Variants in RUNDC3B observed in about 807,000 individuals in gnomAD.
The protein encoded by RUNDC3B is RUN domain-containing protein 3B.
In RUNDC3B, 33 loss-of-function variants were observed where a neutral mutation model predicts 58.4. The observed-to-expected ratio is 0.56, with a 90% CI of 0.43 to 0.75. The LOEUF (loss-of-function observed/expected upper bound fraction) is 0.75, where lower values mean the gene tolerates loss of function less well. Among genes scored for constraint, RUNDC3B ranks in the 30% least tolerant of loss-of-function variants. The pLI, the probability that RUNDC3B is intolerant of heterozygous loss-of-function variation, is 0.00. For missense variants in RUNDC3B, 501 were observed against 535.7 expected (o/e 0.94, Z 0.64); for synonymous variants, 193 against 195.2 (o/e 0.99, Z 0.10).
intron 4 of RUNDC3B, among the ~76,000 whole-genome samples, chr7:87,736,610 G>C (rs549151170): frequency 2.0e-5 from 3 of 151,160 alleles, no homozygotes; most frequent in African/African-American, 7.3e-5. Context: ...TCAAATAGTT[G>C]CTTGTAATTT....
intron 10 of RUNDC3B, among the ~76,000 whole-genome samples, chr7:87,827,811 T>C (rs1389390544): frequency 2.6e-5 from 4 of 152,146 alleles, no homozygotes; most frequent in African/African-American, 9.7e-5. Flanking sequence ...AAATAGATAA[T>C]ATAACTTCTT....
rs577035925 is a variant in RUNDC3B at position 87,754,066 on chromosome 7, G to C, written c.629+12487G>C. 4.6e-5 allele frequency among the ~76,000 whole-genome samples: 7 copies of C among 152,086 alleles called. No individual in the cohort carries two copies. In the East Asian group the frequency reaches 9.7e-4, roughly 21 times the overall value. Reference sequence around the variant, plus strand: ...AGTCTTGCTGGGGATTTTATAGAATGGTGCTTGTGCTGAAAAGGGCTTTGT... The same window carrying C: ...AGTCTTGCTGGGGATTTTATAGAATCGTGCTTGTGCTGAAAAGGGCTTTGT... On this transcript the variant is annotated intron_variant, in intron 6 of 10. Transcript: ENST00000394654.
intron 6 of RUNDC3B, among the ~76,000 whole-genome samples, chr7:87,742,178 A>G (rs1832363675): frequency 6.6e-6 from 1 of 152,124 alleles, no homozygotes; most frequent in Admixed American, 6.5e-5. Context: ...TTGAAAGATT[A>G]TTTCCTGACT....
intron 2 of RUNDC3B, among the ~76,000 whole-genome samples, chr7:87,669,935 A>G (rs1028504560): frequency 1.3e-5 from 2 of 152,116 alleles, no homozygotes; most frequent in Non-Finnish European, 2.9e-5. Flanking sequence ...GGAATAGCTG[A>G]TGACATGTGT....
At chr7:87,718,315 C>T (rs1355479570) in intron 4 of RUNDC3B, among the ~76,000 whole-genome samples, 1 of 152,078 alleles carries the variant, frequency 6.6e-6, no homozygotes, top group Non-Finnish European at 1.5e-5. Context: ...GGATTTAGTG[C>T]CTAGGGTTTC....
intron 6 of RUNDC3B, among the ~76,000 whole-genome samples, chr7:87,768,437 G>A (rs1473049439): frequency 6.6e-6 from 1 of 152,220 alleles, no homozygotes; most frequent in African/African-American, 2.4e-5. Context: ...GTGATGCAGT[G>A]ACACAAGGGC....
chr7:87,750,219 T>C, intron 6 of RUNDC3B, among the ~76,000 whole-genome samples: 1 of 152,224 alleles, frequency 6.6e-6, no homozygotes, highest in Admixed American at 6.5e-5. Context: ...TATCATTTTT[T>C]ATGGCTTCAT....
At chr7:87,821,611 A>G (rs1017704836) in intron 10 of RUNDC3B, among the ~76,000 whole-genome samples, 157 of 152,256 alleles carry the variant, frequency 1.0e-3, no homozygotes, top group African/African-American at 3.6e-3. Context: ...GAACAAAGCC[A>G]GAGGCATCAC....
intron 4 of RUNDC3B, among the ~76,000 whole-genome samples, chr7:87,731,007 T>C (rs1333176055): frequency 1.3e-5 from 2 of 152,170 alleles, no homozygotes; most frequent in East Asian, 3.9e-4. Context: ...ACAGTATTTT[T>C]GTGCATGGGG....
At chr7:87,735,376 G>T (rs1401253407) in intron 4 of RUNDC3B, among the ~76,000 whole-genome samples, 3 of 152,054 alleles carry the variant, frequency 2.0e-5, no homozygotes, top group Non-Finnish European at 4.4e-5. Context: ...CTTCCAGTTT[G>T]CCCCCTTTCA....
intron 6 of RUNDC3B, among the ~76,000 whole-genome samples, chr7:87,758,241 G>C (rs954919766): frequency 6.6e-6 from 1 of 152,152 alleles, no homozygotes; most frequent in African/African-American, 2.4e-5. Flanking sequence ...AGAATCACTT[G>C]AGCCCAGGAG....
intron 2 of RUNDC3B, among the ~76,000 whole-genome samples, chr7:87,696,883 T>A (rs1003615694): frequency 2.0e-4 from 30 of 152,330 alleles, no homozygotes; most frequent in African/African-American, 6.5e-4. Flanking sequence ...GTGCCCTACC[T>A]ATAGCAGGAG....
chr7:87,634,975 TC>T (rs1377495907), intron 1 of RUNDC3B, among the ~76,000 whole-genome samples: 2 of 152,180 alleles, frequency 1.3e-5, no homozygotes, highest in Non-Finnish European at 2.9e-5. Context: ...AAGGTCATTT[TC>T]TCTTCCCCCA....
At chr7:87,786,041 C>T (rs1259852687) in intron 8 of RUNDC3B, among the ~76,000 whole-genome samples, 1 of 152,214 alleles carries the variant, frequency 6.6e-6, no homozygotes, top group African/African-American at 2.4e-5. Context: ...TTGGTGTCTG[C>T]ATCACCTCTC....
intron 2 of RUNDC3B, among the ~76,000 whole-genome samples, chr7:87,665,374 A>G (rs1013698070): frequency 6.6e-6 from 1 of 152,134 alleles, no homozygotes; most frequent in African/African-American, 2.4e-5. Flanking sequence ...GAGGAAATTC[A>G]GGCAAGGAAG....
At chr7:87,826,198 A>G (rs1837796072) in intron 10 of RUNDC3B, among the ~76,000 whole-genome samples, 1 of 152,066 alleles carries the variant, frequency 6.6e-6, no homozygotes, top group African/African-American at 2.4e-5. Flanking sequence ...TCATGGGAGG[A>G]ACCTGGTGGG....
At chr7:87,673,186 A>G (rs183529859) in intron 2 of RUNDC3B, among the ~76,000 whole-genome samples, 177 of 152,272 alleles carry the variant, frequency 1.2e-3, no homozygotes, top group Middle Eastern at 6.8e-3. Flanking sequence ...TCTAATGACT[A>G]TATATGTCTT....
At chr7:87,710,462 T>C in intron 3 of RUNDC3B, 108 bp from the exon 4 acceptor site, 1 of 647,156 alleles carries the variant, frequency 1.5e-6, no homozygotes, top group Non-Finnish European at 2.7e-6. Context: ...CGTTATCAAA[T>C]GTATATTTTG....
chr7:87,817,337 T>G (rs2130952913), intron 10 of RUNDC3B, among the ~76,000 whole-genome samples: 1 of 152,328 alleles, frequency 6.6e-6, no homozygotes, highest in South Asian at 2.1e-4. Flanking sequence ...CATGTAGCAA[T>G]CAGTGACCTT....
Sources: allele counts gnomAD v4.1 joint callset (sites outside exome capture counted in the v4.1 genomes callset), GRCh38; gene constraint gnomAD v4.1.1; transcripts MANE v1.5; gene names NCBI Gene and HGNC (gene_info 2026-07-23, HGNC 2026-07-21).